PTK2: variants seen among roughly 807,000 people sequenced by gnomAD.
PTK2 encodes the protein protein tyrosine kinase 2.
In PTK2, 45 loss-of-function variants were observed where a neutral mutation model predicts 150.1. The ratio of observed to expected loss-of-function variants is 0.30; its 90% CI spans 0.24 to 0.38. The LOEUF is 0.38. Among genes scored for constraint, PTK2 ranks in the 10% least tolerant of loss-of-function variants. PTK2 has a pLI of 1.00. For synonymous variants in PTK2, 432 were observed against 449.2 expected, an observed-to-expected ratio of 0.96 and a Z score of 0.48; for missense variants, 919 against 1,307.3, an observed-to-expected ratio of 0.70 and a Z score of 4.58.
intron 26 of PTK2, among the ~76,000 whole-genome samples, chr8:140,694,614 G>C (rs1301846489): frequency 6.6e-6 from 1 of 152,126 alleles, no homozygotes; most frequent in African/African-American, 2.4e-5. Context: ...CCTAAAAGTA[G>C]GTGCAGCGGC....
At chr8:140,679,472 T>C (rs1401736408) in intron 27 of PTK2, among the ~76,000 whole-genome samples, 1 of 152,176 alleles carries the variant, frequency 6.6e-6, no homozygotes, top group African/African-American at 2.4e-5. Flanking sequence ...CCTGCTCGGG[T>C]ACTCAGGTAC....
exon 32 of PTK2, chr8:140,659,418 A>C: frequency 1.3e-6 from 2 of 1,522,674 alleles, no homozygotes; most frequent in Non-Finnish European, 1.8e-6. Flanking sequence ...GTGGAAGGCT[A>C]GAGAACATCT....
rs576091453 is a variant in PTK2, at chr8:140,784,632, T to C, written c.1177+4842A>G. ...TCTTTCAGCATACTTACAGGTCCCT[T>C]ATGATAGACTGCAGCACCTGACTTT... On this transcript the variant is annotated intron_variant, in intron 14 of 31. Transcript: ENST00000522684. 7.2e-5 allele frequency among the ~76,000 whole-genome samples: 11 copies of C among 152,274 alleles called. No individual in the cohort carries two copies. The South Asian group carries it at 2.3e-3, about 32-fold the overall frequency.
At chr8:140,951,108 C>A (rs922686155) in intron 1 of PTK2, among the ~76,000 whole-genome samples, 14 of 152,094 alleles carry the variant, frequency 9.2e-5, no homozygotes, top group Admixed American at 6.6e-4. Context: ...TCAGGGAGGC[C>A]TTCCTTTCTG....
At chr8:140,832,320 G>C (rs1008400508) in intron 7 of PTK2, among the ~76,000 whole-genome samples, 1 of 152,170 alleles carries the variant, frequency 6.6e-6, no homozygotes, top group African/African-American at 2.4e-5. Context: ...CTCCCAAAGC[G>C]CTGGGATTAC....
At chr8:140,873,384 T>C (rs1156692069) in intron 4 of PTK2, among the ~76,000 whole-genome samples, 2 of 152,248 alleles carry the variant, frequency 1.3e-5, no homozygotes, top group Non-Finnish European at 2.9e-5. Flanking sequence ...GTGCCTTCTA[T>C]GTTAATTGGC....
chr8:140,695,823 T>C (rs1473837194), intron 26 of PTK2, among the ~76,000 whole-genome samples: 1 of 152,194 alleles, frequency 6.6e-6, no homozygotes, highest in Non-Finnish European at 1.5e-5. Context: ...TTGTTATCTC[T>C]CTAGGTCCTT....
chr8:140,676,783 AAAAAAAT>A (rs1211855818), intron 27 of PTK2, among the ~76,000 whole-genome samples: 2 of 146,080 alleles, frequency 1.4e-5, no homozygotes, highest in African/African-American at 5.1e-5. Flanking sequence ...AAAAAAAAAA[AAAAAAAT>A]AGCCAGGTGT....
At position 140,974,599 on chromosome 8, in the gene PTK2, C is replaced by T. The variant is rs143598906; in HGVS notation, c.-122+26526G>A. ...GCATTTTACTTGGCAGTTTGAGATGCATTACATTTAAAGTAAAAATCCTGT... is the reference window on the plus strand; with the variant it reads ...GCATTTTACTTGGCAGTTTGAGATGTATTACATTTAAAGTAAAAATCCTGT... On this transcript the variant is annotated intron_variant, in intron 1 of 31. Transcript: ENST00000522684. Among the ~76,000 whole-genome samples, 3 of 152,330 alleles carry T rather than the reference C, an allele frequency of 2.0e-5. No homozygotes were observed. The East Asian group carries it at 5.8e-4, about 29-fold the overall frequency.
rs746965637 is a variant in PTK2 at position 140,744,784 on chromosome 8, C to G, written c.1519-17G>C. ...TGACCTCAGCTTTTGGAACAATGAC[C>G]AAAAGAAAAAAAAAAAAAAAAGAAT... On this transcript the variant is annotated splice_polypyrimidine_tract_variant and intron_variant, in intron 18 of 31. Transcript: ENST00000522684. The G allele has an allele frequency of 1.3e-5, 10 of 773,308 alleles. No homozygotes were observed. In the South Asian group the frequency reaches 1.8e-4, roughly 14 times the overall value. The allele number at this position is 773,308 out of a possible 1,614,324, so 47.9% of individuals were successfully genotyped here.
intron 1 of PTK2, among the ~76,000 whole-genome samples, chr8:140,937,077 T>G (rs1330497289): frequency 6.6e-6 from 1 of 152,170 alleles, no homozygotes; most frequent in African/African-American, 2.4e-5. Context: ...AGCATTTGAT[T>G]TCTGATCCTA....
rs190850424 is a variant in PTK2 at position 140,879,165 on chromosome 8, A to T, written c.362+306T>A. On this transcript the variant is annotated intron_variant, in intron 4 of 31. Transcript: ENST00000522684. ...TATATACATACACACACACATATAT[A>T]TATGATTTGAGTTTTATTGGGAGCA... is the stretch of plus-strand genomic sequence containing the variant. The T allele has an allele frequency of 2.9e-3, 627 of 214,398 alleles. 6 individuals are homozygous for T. Among genetic ancestry groups the T allele is most frequent in the African/African-American group, 0.014 (602 of 43,386 alleles). 13.3% of individuals were successfully genotyped at this position (214,398 alleles called of 1,614,324 possible).
intron 2 of PTK2, among the ~76,000 whole-genome samples, chr8:140,898,924 C>G (rs182449778): frequency 6.6e-6 from 1 of 152,144 alleles, no homozygotes; most frequent in Non-Finnish European, 1.5e-5. Context: ...ACAGCTAAAT[C>G]AAAAGAAATT....
At chr8:140,692,494 G>A (rs2100023758) in intron 26 of PTK2, among the ~76,000 whole-genome samples, 2 of 152,208 alleles carry the variant, frequency 1.3e-5, no homozygotes, top group African/African-American at 4.8e-5. Context: ...GCAGGCACCT[G>A]CAGTCCCAGC....
intron 12 of PTK2, among the ~76,000 whole-genome samples, chr8:140,793,617 A>G (rs2100089883): frequency 6.6e-6 from 1 of 152,250 alleles, no homozygotes; most frequent in South Asian, 2.1e-4. Context: ...TAATCATAAT[A>G]AAGAACTAAG....
chr8:140,995,164 A>G (rs555388680), intron 1 of PTK2, among the ~76,000 whole-genome samples: 2 of 151,934 alleles, frequency 1.3e-5, no homozygotes, highest in South Asian at 4.2e-4. Flanking sequence ...GTGGATCACA[A>G]GATAAGGAGA....
intron 8 of PTK2, among the ~76,000 whole-genome samples, chr8:140,820,083 T>G (rs1012016090): frequency 2.7e-3 from 117 of 42,730 alleles, no homozygotes; most frequent in African/African-American, 0.014. Context: ...TTGGTTTTTT[T>G]TTTTTTTTTT....
At chr8:140,674,617 T>C (rs997138800) in intron 28 of PTK2, among the ~76,000 whole-genome samples, 1 of 152,052 alleles carries the variant, frequency 6.6e-6, no homozygotes, top group African/African-American at 2.4e-5. Context: ...CACATGCCTG[T>C]AATCCCAGCT....
chr8:140,702,406 A>T (rs1253942051), intron 25 of PTK2, among the ~76,000 whole-genome samples, 164 bp downstream of exon 28: 2 of 150,900 alleles, frequency 1.3e-5, no homozygotes, highest in Non-Finnish European at 3.0e-5. Flanking sequence ...TTTTGTAGAG[A>T]CAGGGTCTCG....
Sources: gnomAD v4.1 joint callset for allele counts (sites outside exome capture counted in the v4.1 genomes callset) on GRCh38, gnomAD v4.1.1 for gene constraint, MANE v1.5 for transcripts, NCBI Gene and HGNC (gene_info 2026-07-23, HGNC 2026-07-21) for gene names.